PRDM11: variants seen among roughly 807,000 people sequenced by gnomAD.
The protein encoded by PRDM11 is PR domain-containing protein 11.
PRDM11 carries 20 observed loss-of-function variants against 97.8 expected under a neutral mutation model. The observed-to-expected ratio is 0.20, with a 90% CI of 0.14 to 0.30. The LOEUF (loss-of-function observed/expected upper bound fraction) is 0.30, where lower values mean the gene tolerates loss of function less well. Among genes scored for constraint, PRDM11 ranks in the 10% least tolerant of loss-of-function variants. PRDM11 has a pLI of 1.00. For synonymous variants in PRDM11, 599 were observed against 637.7 expected, an observed-to-expected ratio of 0.94 and a Z score of 0.91; for missense variants, 1,139 against 1,555.2, an observed-to-expected ratio of 0.73 and a Z score of 4.50.
intron 1 of PRDM11, among the ~76,000 whole-genome samples, chr11:45,139,651 T>G (rs1045380116): frequency 2.0e-5 from 3 of 151,102 alleles, no homozygotes; most frequent in African/African-American, 7.3e-5. Context: ...TTTTGGGAAC[T>G]CATCTTAAGG....
At chr11:45,169,113 C>T (rs1406434865) in intron 1 of PRDM11, among the ~76,000 whole-genome samples, 1 of 152,148 alleles carries the variant, frequency 6.6e-6, no homozygotes, top group African/African-American at 2.4e-5. Context: ...GAGAGGCAAC[C>T]TGGGACTTGT....
At chr11:45,187,469 G>C (rs1054446619) in intron 4 of PRDM11, among the ~76,000 whole-genome samples, 2 of 152,196 alleles carry the variant, frequency 1.3e-5, no homozygotes, top group African/African-American at 4.8e-5. Context: ...CAGGTTGGCT[G>C]CCTGGCACAG....
At chr11:45,106,502 C>A (rs776268238) in intron 1 of PRDM11, among the ~76,000 whole-genome samples, 17 of 152,170 alleles carry the variant, frequency 1.1e-4, no homozygotes, top group Non-Finnish European at 1.8e-4. Context: ...CATAAGACAG[C>A]CATTTTATTA....
intron 1 of PRDM11, among the ~76,000 whole-genome samples, chr11:45,113,072 G>A (rs1752175221): frequency 6.6e-6 from 1 of 152,122 alleles, no homozygotes; most frequent in African/African-American, 2.4e-5. Context: ...TTCTAGAGAT[G>A]TTATGGTTTC....
Position 45,224,812 on chromosome 11 carries a change from A to G in PRDM11, c.1338A>G (p.Val446=), listed in dbSNP as rs1854228798. The change falls in exon 7 of 8, where the codon GTA becomes GTG. Residue 446 remains valine, a synonymous_variant. Coordinates refer to ENST00000683152, the MANE Select transcript of PRDM11 (RefSeq NM_001384648.1). The stretch of plus-strand genomic sequence containing the variant: ...AGCCCCCCGTATTGCCACCACAGGT[A>G]CTGGAGCTCCCAGAGTTCTCGGACC... ...LPEPPVLPPQ[V]LELPEFSDPA... is the part of the protein sequence containing the mutation. The G allele has an allele frequency of 3.1e-6, 5 of 1,614,156 alleles. No homozygotes were observed. The highest frequency in any genetic ancestry group is 4.2e-6 in the Non-Finnish European group (5 of 1,180,026).
chr11:45,232,532 G>T lies in PRDM11; in HGVS notation c.*4373G>T, dbSNP rs549842530. 1 of 152,326 alleles carries T rather than the reference G, an allele frequency of 6.6e-6. No homozygotes were observed. The highest frequency in any genetic ancestry group is 1.5e-5 in the Non-Finnish European group (1 of 68,138). 9.4% of individuals were successfully genotyped at this position (152,326 alleles called of 1,614,324 possible). A position where few individuals can be genotyped will look rare whatever the true frequency, so the allele number is the denominator to read the frequency against. ...CAAGAGGCAGATCTAGCCAGGCCAG[G>T]CTGAAACAGCTGAAACAGGCAGGCC... is the stretch of plus-strand genomic sequence containing the variant. On this transcript the variant is annotated 3_prime_UTR_variant, in exon 8 of 8. Coordinates refer to ENST00000683152, the MANE Select transcript of PRDM11 (RefSeq NM_001384648.1).
intron 5 of PRDM11, among the ~76,000 whole-genome samples, chr11:45,218,681 G>A (rs1430674467): frequency 6.6e-6 from 1 of 152,230 alleles, no homozygotes; most frequent in Non-Finnish European, 1.5e-5. Context: ...TCCTCGGCAG[G>A]TGTTCCCTCA....
chr11:45,148,209 T>C (rs762453874), intron 1 of PRDM11, among the ~76,000 whole-genome samples: 1 of 152,120 alleles, frequency 6.6e-6, no homozygotes, highest in Non-Finnish European at 1.5e-5. Context: ...CTGTATTCAG[T>C]TTAATGGAAA....
chr11:45,181,253 T>C (rs954337936), intron 1 of PRDM11, among the ~76,000 whole-genome samples: 10 of 152,276 alleles, frequency 6.6e-5, no homozygotes, highest in Admixed American at 3.3e-4. Context: ...CCCCAGGCCC[T>C]GCCTGTACCT....
At chr11:45,182,111 A>G (rs1590412986) in intron 2 of PRDM11, 135 bp from the exon 3 acceptor site, 1 of 791,754 alleles carries the variant, frequency 1.3e-6, no homozygotes, top group East Asian at 2.7e-5. Context: ...TGCACTGAAC[A>G]GCAGGCTGGC....
At chr11:45,158,870 A>G (rs1851865102) in intron 1 of PRDM11, among the ~76,000 whole-genome samples, 1 of 151,504 alleles carries the variant, frequency 6.6e-6, no homozygotes, top group South Asian at 2.1e-4. Context: ...AAGACCTCCT[A>G]ATCAAATCCT....
At chr11:45,110,172 A>C (rs1413678626) in intron 1 of PRDM11, among the ~76,000 whole-genome samples, 1 of 152,226 alleles carries the variant, frequency 6.6e-6, no homozygotes. Flanking sequence ...TAAGCTTCAC[A>C]CAAAGAATTT....
At chr11:45,146,470 C>T (rs1200491463), upstream of PRDM11, among the ~76,000 whole-genome samples, 1 of 152,122 alleles carries the variant, frequency 6.6e-6, no homozygotes, top group Non-Finnish European at 1.5e-5. Context: ...GCTCCCTCTC[C>T]CTTTGGGTTT....
chr11:45,224,678 CCTCATGAACTTCCCA>C lies in PRDM11; in HGVS notation c.1206_1220del (p.His403_Thr407del), dbSNP rs766058212. The C allele has an allele frequency of 6.2e-7, 1 of 1,614,154 alleles. No individual in the cohort carries two copies. Among genetic ancestry groups the C allele is most frequent in the South Asian group, 1.1e-5 (1 of 91,082 alleles). ...TGCCGAGGCCTCCCTTGCATCTGAC[CCTCATGAACTTCCCA>C]CCACCTCTTTTTGCCCTAACTGTAT... On this transcript the variant is annotated inframe_deletion, in exon 7 of 8. Coordinates refer to ENST00000683152, the MANE Select transcript of PRDM11 (RefSeq NM_001384648.1).
Position 45,227,395 on chromosome 11 carries a change from G to A in PRDM11, c.2770G>A (p.Asp924Asn). ...CATCCAGGAGATCAGCCGGCTGGCT[G>A]ACTCCCCGGGAGAATACCTGCAGGA... is the stretch of plus-strand genomic sequence containing the variant. ...EAIQEISRLA[D>N]SPGEYLQEFE... is the part of the protein sequence containing the mutation. The change falls in exon 8 of 8, where the codon GAC becomes AAC. Residue 924 changes from aspartate (D) to asparagine (N), a missense_variant. Asp to Asn is a conservative substitution (Grantham distance 23). This residue lies in a region of PRDM11 where 710 missense variants were observed against 1,044.9 expected (regional missense o/e 0.68). Coordinates refer to ENST00000683152, the MANE Select transcript of PRDM11 (RefSeq NM_001384648.1). The surrounding 1 kb of genome is among the most constrained non-coding windows in gnomAD (Gnocchi z 8.0). 4.6e-6 allele frequency: 7 copies of A among 1,533,910 alleles called. No individual in the cohort carries two copies. The highest frequency in any genetic ancestry group is 6.1e-6 in the Non-Finnish European group (7 of 1,146,740).
chr11:45,140,435 C>T (rs1045251282), intron 1 of PRDM11, among the ~76,000 whole-genome samples: 1 of 152,196 alleles, frequency 6.6e-6, no homozygotes, highest in Non-Finnish European at 1.5e-5. Flanking sequence ...TCTCCACCAG[C>T]AATGTGGCTG....
At chr11:45,122,011 T>G (rs543774238) in intron 1 of PRDM11, among the ~76,000 whole-genome samples, 245 of 151,920 alleles carry the variant, frequency 1.6e-3, no homozygotes, top group South Asian at 4.4e-3. Flanking sequence ...CTCAGGAAGA[T>G]AGATAAACAA....
At chr11:45,114,753 G>A (rs115611851) in intron 1 of PRDM11, among the ~76,000 whole-genome samples, 1,756 of 152,052 alleles carry the variant, frequency 0.012, 40 homozygotes, top group African/African-American at 0.04. Context: ...CATGAAGAAT[G>A]AATGAGTTAT....
At chr11:45,187,883 G>T (rs996389453) in intron 4 of PRDM11, among the ~76,000 whole-genome samples, 11 of 151,982 alleles carry the variant, frequency 7.2e-5, no homozygotes, top group Non-Finnish European at 1.0e-4. Flanking sequence ...AAAAGCAGGC[G>T]TGAAGAACGG....
Sources: gnomAD v4.1 joint callset for allele counts (sites outside exome capture counted in the v4.1 genomes callset) on GRCh38, gnomAD v4.1.1 for gene constraint, gnomAD v4.1.1 regional missense constraint, Gnocchi (gnomAD v3.1) non-coding constraint, MANE v1.5 for transcripts, NCBI Gene and HGNC (gene_info 2026-07-23, HGNC 2026-07-21) for gene names.